ESR1: variants seen among roughly 807,000 people sequenced by gnomAD.
ESR1 encodes estrogen receptor.
ESR1 carries 12 observed loss-of-function variants against 52.7 expected under a neutral mutation model. That is an observed-to-expected ratio of 0.23 (90% CI 0.15 to 0.37). The LOEUF is 0.37. Ranked by LOEUF, ESR1 falls within the 10% of genes least tolerant of loss-of-function variation. ESR1 has a pLI of 1.00. For missense variants in ESR1, 584 were observed against 779.7 expected, an observed-to-expected ratio of 0.75 and a Z score of 2.99; for synonymous variants, 305 against 316.8, an observed-to-expected ratio of 0.96 and a Z score of 0.39.
chr6:152,118,656 T>C (rs1360883303), intron 6 of ESR1, among the ~76,000 whole-genome samples: 3 of 152,010 alleles, frequency 2.0e-5, no homozygotes, highest in Non-Finnish European at 4.4e-5. Flanking sequence ...GGCAAATACC[T>C]AATGCATGCA....
intron 5 of ESR1, among the ~76,000 whole-genome samples, chr6:152,014,965 G>A (rs1284826982): frequency 6.6e-6 from 1 of 152,140 alleles, no homozygotes; most frequent in Non-Finnish European, 1.5e-5. Context: ...TACCCGAGAG[G>A]CTGAGGCAGG....
intron 2 of ESR1, among the ~76,000 whole-genome samples, chr6:151,747,816 C>T (rs973677383): frequency 6.6e-6 from 1 of 152,166 alleles, no homozygotes; most frequent in African/African-American, 2.4e-5. Flanking sequence ...ATCAGTACTT[C>T]ATTCTTTTTA....
At chr6:151,838,184 C>T (rs1349203721) in intron 1 of ESR1, among the ~76,000 whole-genome samples, 1 of 152,104 alleles carries the variant, frequency 6.6e-6, no homozygotes, top group African/African-American at 2.4e-5. Flanking sequence ...CATTTTGGTA[C>T]TGTGATGGTA....
chr6:151,868,154 G>T (rs374844838), intron 2 of ESR1, among the ~76,000 whole-genome samples: 1 of 151,856 alleles, frequency 6.6e-6, no homozygotes, highest in Non-Finnish European at 1.5e-5. Flanking sequence ...TTGAGATGGA[G>T]TCTCGCTCTG....
intron 2 of ESR1, among the ~76,000 whole-genome samples, chr6:151,714,281 G>T (rs1780851254): frequency 1.3e-5 from 2 of 152,192 alleles, no homozygotes; most frequent in African/African-American, 4.8e-5. Flanking sequence ...TAGAATAAGT[G>T]TGATGTGGTG....
intron 1 of ESR1, among the ~76,000 whole-genome samples, chr6:151,669,638 T>C (rs576895930): frequency 2.0e-5 from 3 of 152,274 alleles, no homozygotes; most frequent in Admixed American, 2.0e-4. Flanking sequence ...TCTTAGTTTC[T>C]GTAAAATGGA....
intron 2 of ESR1, among the ~76,000 whole-genome samples, chr6:151,759,645 G>A (rs929652886): frequency 2.0e-5 from 3 of 152,292 alleles, no homozygotes; most frequent in African/African-American, 7.2e-5. Context: ...CAGCTTTGAC[G>A]CTGCAGAACA....
chr6:151,688,643 AT>A (rs898828384), upstream of ESR1, among the ~76,000 whole-genome samples: 1 of 152,194 alleles, frequency 6.6e-6, no homozygotes, highest in African/African-American at 2.4e-5. Flanking sequence ...AAAGAAAAAA[AT>A]ATCCAGGAAA....
chr6:152,060,050 G>A (rs2047424242), intron 5 of ESR1, among the ~76,000 whole-genome samples: 1 of 151,924 alleles, frequency 6.6e-6, no homozygotes, highest in Non-Finnish European at 1.5e-5. Context: ...AACACATCAT[G>A]CCAAAATTCA....
intron 4 of ESR1, among the ~76,000 whole-genome samples, chr6:151,962,848 G>GTTT (rs1341241884): frequency 6.6e-6 from 1 of 152,052 alleles, no homozygotes; most frequent in Non-Finnish European, 1.5e-5. Context: ...GTTCTAATGA[G>GTTT]TTTTTTAAAA....
At chr6:151,665,483 A>C (rs2115219333) in intron 1 of ESR1, among the ~76,000 whole-genome samples, 1 of 152,340 alleles carries the variant, frequency 6.6e-6, no homozygotes, top group East Asian at 1.9e-4. Context: ...CAAAGCTGGA[A>C]GCCACCAGAT....
At chr6:151,784,485 TG>T (rs1786833125) in intron 2 of ESR1, among the ~76,000 whole-genome samples, 1 of 152,188 alleles carries the variant, frequency 6.6e-6, no homozygotes, top group African/African-American at 2.4e-5. Context: ...TTTTCCTTAA[TG>T]GGTGTTCTTT....
intron 2 of ESR1, among the ~76,000 whole-genome samples, chr6:151,752,420 G>T (rs1206807455): frequency 6.7e-6 from 1 of 148,556 alleles, no homozygotes; most frequent in Admixed American, 6.7e-5. Context: ...TGTTTTATCA[G>T]TTTACTTCCT....
At chr6:151,865,706 C>A (rs958965902) in intron 2 of ESR1, among the ~76,000 whole-genome samples, 1 of 152,218 alleles carries the variant, frequency 6.6e-6, no homozygotes, top group Non-Finnish European at 1.5e-5. Flanking sequence ...ACAACAGATA[C>A]ATCTCTTTCC....
chr6:152,000,090 C>T (rs1455711569), intron 4 of ESR1, among the ~76,000 whole-genome samples: 5 of 151,892 alleles, frequency 3.3e-5, no homozygotes, highest in Non-Finnish European at 5.9e-5. Context: ...ATTTGTTGAC[C>T]ACCCATATTT....
chr6:151,866,314 G>A (rs938760870), intron 2 of ESR1, among the ~76,000 whole-genome samples: 28 of 151,362 alleles, frequency 1.8e-4, no homozygotes, highest in Non-Finnish European at 3.2e-4. Flanking sequence ...TTTAAGCTAA[G>A]AAAGTAGACT....
chr6:152,072,880 A>G (rs534045954), intron 6 of ESR1, among the ~76,000 whole-genome samples: 1 of 152,228 alleles, frequency 6.6e-6, no homozygotes, highest in Non-Finnish European at 1.5e-5. Flanking sequence ...GCAAGTATTA[A>G]TCATTGAGTT....
chr6:151,957,125 C>T (rs1193852004), intron 4 of ESR1, among the ~76,000 whole-genome samples: 1 of 151,960 alleles, frequency 6.6e-6, no homozygotes, highest in Non-Finnish European at 1.5e-5. Flanking sequence ...GATCCGCCCA[C>T]CTCGGCCTCC....
intron 5 of ESR1, among the ~76,000 whole-genome samples, chr6:152,021,365 G>C (rs2043633235): frequency 6.6e-6 from 1 of 151,894 alleles, no homozygotes; most frequent in Non-Finnish European, 1.5e-5. Context: ...GTCTATTGTG[G>C]GACCTTCCGA....
Sources: allele counts gnomAD v4.1 joint callset (sites outside exome capture counted in the v4.1 genomes callset), GRCh38; gene constraint gnomAD v4.1.1; transcripts MANE v1.5; gene names NCBI Gene and HGNC (gene_info 2026-07-23, HGNC 2026-07-21).